FOXD4: variants seen among roughly 807,000 people sequenced by gnomAD.
FOXD4 encodes the protein forkhead box protein D4.
A neutral mutation model predicts 26.5 loss-of-function variants in FOXD4; 22 were observed. That is an observed-to-expected ratio of 0.83 (90% confidence interval 0.59 to 1.18). The LOEUF (loss-of-function observed/expected upper bound fraction) is 1.18. Among genes scored for constraint, FOXD4 ranks in the 50% most tolerant of loss-of-function variants. The pLI is 0.00. For synonymous variants in FOXD4, 258 were observed against 273.7 expected (o/e 0.94, Z 0.57); for missense variants, 625 against 605.8 (o/e 1.03, Z -0.33).
rs1237920338 is a variant in FOXD4 at position 118,387 on chromosome 9, C to T, written c.-268G>A. Among the ~76,000 whole-genome samples the T allele has an allele frequency of 1.3e-5, 2 of 149,926 alleles. No individual in the cohort carries two copies. The highest frequency in any genetic ancestry group is 3.0e-5 in the Non-Finnish European group (2 of 67,294). On this transcript the variant is annotated 5_prime_UTR_variant, in exon 1 of 1. Transcript: ENST00000382500. ...CCCTACCTCGGAGCGGTGCCACTTC[C>T]TCCTAACGTAGTCCAGGGATGATGG...
At position 116,723 on chromosome 9, in the gene FOXD4, T is replaced by C; in HGVS notation, c.*77A>G. The C allele has an allele frequency of 6.6e-7, 1 of 1,520,670 alleles. No homozygotes were observed. Among genetic ancestry groups the C allele is most frequent in the East Asian group, 2.3e-5 (1 of 44,206 alleles). The allele number at this position is 1,520,670 out of a possible 1,614,324, so 94.2% of individuals were successfully genotyped here. ...AGTTCGTGTTTGCTCTCCAGCGGGATTCAGATGCACACGCCCAGTATGGGC... is the reference window on the plus strand; with the variant it reads ...AGTTCGTGTTTGCTCTCCAGCGGGACTCAGATGCACACGCCCAGTATGGGC... On this transcript the variant is annotated 3_prime_UTR_variant, in exon 1 of 1. Transcript: ENST00000382500.
chr9:116,676 T>A lies in FOXD4; in HGVS notation c.*124A>T. The A allele has an allele frequency of 6.9e-7, 1 of 1,455,836 alleles. No homozygotes were observed. The highest frequency in any genetic ancestry group is 9.2e-7 in the Non-Finnish European group (1 of 1,082,138). 90.2% of individuals were successfully genotyped at this position (1,455,836 alleles called of 1,614,324 possible). ...GGAACGTAATCCAGCTGTTTCTTTCTAACCATTTTGCAGGGAACAGAAGTT... is the reference window on the plus strand; with the variant it reads ...GGAACGTAATCCAGCTGTTTCTTTCAAACCATTTTGCAGGGAACAGAAGTT... On this transcript the variant is annotated 3_prime_UTR_variant, in exon 1 of 1. Transcript: ENST00000382500.
At position 116,944 on chromosome 9, in the gene FOXD4, C is replaced by A. The variant is rs777938341; in HGVS notation, c.1176G>T (p.Ala392=). Residue 392 remains alanine (A), a synonymous_variant, in exon 1 of 1, where the codon GCG becomes GCT. Coordinates refer to ENST00000382500, the MANE Select transcript of FOXD4 (RefSeq NM_207305.5). Reference sequence around the variant, plus strand: ...CCGCCTGATACCGCAGCAGCGCCGACGCGGCCGACAGGTGCCCGCCCAGCA... The same window carrying A: ...CCGCCTGATACCGCAGCAGCGCCGAAGCGGCCGACAGGTGCCCGCCCAGCA... ...GAVLGGHLSA[A]SALLRYQAVA... 8 of 1,611,246 alleles carry A rather than the reference C, an allele frequency of 5.0e-6. No homozygotes were observed. The highest frequency in any genetic ancestry group is 4.4e-5 in the South Asian group (4 of 90,942).
In FOXD4 at chr9:116,667, G is replaced by C; in HGVS notation, c.*133C>G. 7.1e-7 allele frequency: 1 copy of C among 1,415,160 alleles called. No homozygotes were observed. Among genetic ancestry groups the C allele is most frequent in the East Asian group, 2.3e-5 (1 of 43,688 alleles). The allele number at this position is 1,415,160 out of a possible 1,614,324, so 87.7% of individuals were successfully genotyped here. A position where few individuals can be genotyped will look rare whatever the true frequency, so the allele number is the denominator to read the frequency against. On this transcript the variant is annotated 3_prime_UTR_variant, in exon 1 of 1. Transcript: ENST00000382500. ...GTTTTTAGAGGAACGTAATCCAGCT[G>C]TTTCTTTCTAACCATTTTGCAGGGA...
chr9:117,988 C>T lies in FOXD4; in HGVS notation c.132G>A (p.Gln44=). ...GCTGGAGCGACTGCTCTAGGAACTGCTGGCTCGCCGCCTCCTCCTCGTCTT... is the reference window on the plus strand; with the variant it reads ...GCTGGAGCGACTGCTCTAGGAACTGTTGGCTCGCCGCCTCCTCCTCGTCTT... The part of the protein sequence containing the change: ...EDEDEEEAAS[Q]QFLEQSLQPG... Residue 44 remains glutamine (Q), a synonymous_variant, in exon 1 of 1, where the codon CAG becomes CAA. Coordinates refer to ENST00000382500, the MANE Select transcript of FOXD4 (RefSeq NM_207305.5). The T allele has an allele frequency of 6.2e-7, 1 of 1,611,998 alleles. No homozygotes were observed. The highest frequency in any genetic ancestry group is 8.5e-7 in the Non-Finnish European group (1 of 1,179,836).
rs1819421184 is a variant in FOXD4, at chr9:118,034, A to G, written c.86T>C (p.Val29Ala). 1.2e-6 allele frequency: 2 copies of G among 1,611,946 alleles called. No individual in the cohort carries two copies. Among genetic ancestry groups the G allele is most frequent in the Non-Finnish European group, 1.7e-6 (2 of 1,179,826 alleles). The change falls in exon 1 of 1, where the codon GTC (valine) becomes GCC (alanine). Residue 29 changes from valine to alanine, a missense_variant. Val to Ala is a moderately conservative substitution (Grantham distance 64). Transcript: ENST00000382500. ...DSDGEDGKID[V>A]LGEEEDEDEE... ...GTCTTCATCTTCCTCCTCTCCCAGG[A>G]CATCGATTTTACCGTCTTCCCCATC...
In FOXD4 at chr9:116,815, G is replaced by T. The variant is rs189230491; in HGVS notation, c.1305C>A (p.Ser435=). ...CCACCTGGCTCTAGGAGGGCCCTGC[G>T]GACTCGGCCAGGGAACTGGGCGTGG... The part of the protein sequence containing the change: ...VSPTPSSLAE[S]AGPS The change falls in exon 1 of 1, where the codon TCC becomes TCA. Residue 435 remains serine (S), a synonymous_variant. Coordinates refer to ENST00000382500, the MANE Select transcript of FOXD4 (RefSeq NM_207305.5). The T allele has an allele frequency of 6.9e-6, 11 of 1,601,158 alleles. No homozygotes were observed. In the African/African-American group the frequency reaches 8.0e-5, roughly 12 times the overall value.
chr9:116,747 G>A lies in FOXD4; in HGVS notation c.*53C>T, dbSNP rs546026483. On this transcript the variant is annotated 3_prime_UTR_variant, in exon 1 of 1. Coordinates refer to ENST00000382500, the MANE Select transcript of FOXD4 (RefSeq NM_207305.5). ...ATTCAGATGCACACGCCCAGTATGG[G>A]CCGCGCAAGGTGGAGTGAGCAGCTG... The A allele has an allele frequency of 1.1e-4, 165 of 1,540,664 alleles. No homozygotes were observed. In the African/African-American group the frequency reaches 2.1e-3, roughly 19 times the overall value.
chr9:117,706 G>T lies in FOXD4; in HGVS notation c.414C>A (p.Phe138Leu). 2.5e-6 allele frequency: 4 copies of T among 1,612,914 alleles called. No individual in the cohort carries two copies. Among genetic ancestry groups the T allele is most frequent in the Admixed American group, 1.7e-5 (1 of 60,000 alleles). ...SGICAFISDR[F>L]PYYRRKFPAW... ...CGGGGAACTTGCGGCGGTAGTAGGGGAAGCGGTCACTAATGAAGGCGCAGA... is the reference window on the plus strand; with the variant it reads ...CGGGGAACTTGCGGCGGTAGTAGGGTAAGCGGTCACTAATGAAGGCGCAGA... The change falls in exon 1 of 1, where the codon TTC (phenylalanine) becomes TTA (leucine). Residue 138 changes from phenylalanine (F) to leucine (L), a missense_variant. Phe to Leu is a conservative substitution (Grantham distance 22, BLOSUM62 0). Around this residue, in one of 3 missense-constraint regions of FOXD4, gnomAD observed 399 missense variants for 329.4 expected, o/e 1.21. Coordinates refer to ENST00000382500, the MANE Select transcript of FOXD4 (RefSeq NM_207305.5).
At position 116,627 on chromosome 9, in the gene FOXD4, G is replaced by A. The variant is rs1192248825; in HGVS notation, c.*173C>T. The A allele has an allele frequency of 6.2e-6, 7 of 1,133,236 alleles. No individual in the cohort carries two copies. The highest frequency in any genetic ancestry group is 8.7e-6 in the Non-Finnish European group (7 of 800,266). The allele number at this position is 1,133,236 out of a possible 1,614,324, so 70.2% of individuals were successfully genotyped here. Reference sequence around the variant, plus strand: ...AAAAGATGACTTGACGCCCTGCGAAGGTTACGTTCAGGTGGTTTTTAGAGG... The same window carrying A: ...AAAAGATGACTTGACGCCCTGCGAAAGTTACGTTCAGGTGGTTTTTAGAGG... On this transcript the variant is annotated 3_prime_UTR_variant, in exon 1 of 1. Transcript: ENST00000382500.
At position 117,576 on chromosome 9, in the gene FOXD4, G is replaced by A. The variant is rs766677973; in HGVS notation, c.544C>T (p.Pro182Ser). The A allele has an allele frequency of 1.9e-5, 30 of 1,613,520 alleles. No individual in the cohort carries two copies. Among genetic ancestry groups the A allele is most frequent in the South Asian group, 4.4e-5 (4 of 91,054 alleles). ...TTGTCGAACATGTCCTGGGAGGCGG[G>A]GTCCAGGCTCCAGTAGTTGCCCTTG... ...PGKGNYWSLD[P>S]ASQDMFDNGS... is the part of the protein sequence containing the mutation. The change falls in exon 1 of 1, where the codon CCC (proline) becomes TCC (serine). Residue 182 changes from proline (P) to serine (S), a missense_variant. Transcript: ENST00000382500.
Position 117,612 on chromosome 9 carries a change from C to T in FOXD4, c.508G>A (p.Gly170Ser). Residue 170 changes from glycine (G) to serine (S), a missense_variant, in exon 1 of 1, where the codon GGC becomes AGC. This residue lies in a region of FOXD4 where 399 missense variants were observed against 329.4 expected (regional missense o/e 1.21). Coordinates refer to ENST00000382500, the MANE Select transcript of FOXD4 (RefSeq NM_207305.5). ...DCFVKIPREP[G>S]RPGKGNYWSL... ...CAGTAGTTGCCCTTGCCTGGGCGGC[C>T]CGGCTCGCGGGGGATCTTGACGAAG... 1.2e-6 allele frequency: 2 copies of T among 1,613,932 alleles called. No homozygotes were observed.
At position 117,429 on chromosome 9, in the gene FOXD4, G is replaced by T; in HGVS notation, c.691C>A (p.Pro231Thr). The change falls in exon 1 of 1, where the codon CCT (proline) becomes ACT (threonine). Residue 231 changes from proline (P) to threonine (T), a missense_variant. Around this residue, in one of 3 missense-constraint regions of FOXD4, gnomAD observed 399 missense variants for 329.4 expected, o/e 1.21. Transcript: ENST00000382500. ...GGCGGGGCAGGGGCCCCAAGCAGAG[G>T]GCCTGGGCGGGGGTTGTGCAGGGCG... ...HAALHNPRPGPLLGAPAPPQP... is the reference protein window; with the variant it reads ...HAALHNPRPGTLLGAPAPPQP... 6.3e-7 allele frequency: 1 copy of T among 1,596,568 alleles called. No individual in the cohort carries two copies. Among genetic ancestry groups the T allele is most frequent in the South Asian group, 1.1e-5 (1 of 90,866 alleles).
chr9:117,268 C>T lies in FOXD4; in HGVS notation c.852G>A (p.Ala284=), dbSNP rs144487093. 70,045 of 1,606,792 alleles carry T rather than the reference C, an allele frequency of 0.044. 1,075 individuals are homozygous for T. Among genetic ancestry groups the T allele is most frequent in the Middle Eastern group, 0.076 (336 of 4,430 alleles). The change falls in exon 1 of 1, where the codon GCG becomes GCA. Residue 284 remains alanine (A), a synonymous_variant. Coordinates refer to ENST00000382500, the MANE Select transcript of FOXD4 (RefSeq NM_207305.5). ...YAGAPKKAEG[A]DLATPAPFPC... is the part of the protein sequence containing the mutation. ...GGAAGGGTGCCGGGGTCGCCAGGTC[C>T]GCGCCTTCTGCTTTCTTCGGTGCCC...
rs1346514096 is a variant in FOXD4, at chr9:117,584, C to T, written c.536G>A (p.Ser179Asn). ...CATGTCCTGGGAGGCGGGGTCCAGG[C>T]TCCAGTAGTTGCCCTTGCCTGGGCG... ...PGRPGKGNYW[S>N]LDPASQDMFD... The change falls in exon 1 of 1, where the codon AGC (serine) becomes AAC (asparagine). Residue 179 changes from serine (S) to asparagine (N), a missense_variant. This residue lies in a region of FOXD4 where 399 missense variants were observed against 329.4 expected (regional missense o/e 1.21). Coordinates refer to ENST00000382500, the MANE Select transcript of FOXD4 (RefSeq NM_207305.5). 3.1e-6 allele frequency: 5 copies of T among 1,613,652 alleles called. 1 individual carries two copies. Among genetic ancestry groups the T allele is most frequent in the Non-Finnish European group, 4.2e-6 (5 of 1,180,054 alleles).
rs758839256 is a variant in FOXD4, at chr9:117,170, T to G, written c.950A>C (p.Asp317Ala). The G allele has an allele frequency of 2.1e-5, 34 of 1,611,242 alleles. No individual in the cohort carries two copies. The highest frequency in any genetic ancestry group is 2.8e-5 in the Non-Finnish European group (33 of 1,179,824). ...TACTCTCAATGCTGAAAGAGATGCA[T>G]CCGCCTCCCGGTGGCGACGCCAGAC... ...ARVWRRHREADASLSALRVSC... is the reference protein window; with the variant it reads ...ARVWRRHREAAASLSALRVSC... Residue 317 changes from aspartate (D) to alanine (A), a missense_variant, in exon 1 of 1, where the codon GAT (aspartate) becomes GCT (alanine). Asp to Ala is a moderately radical substitution (Grantham distance 126). This residue lies in a region of FOXD4 where 92 missense variants were observed against 144.2 expected (regional missense o/e 0.64). Transcript: ENST00000382500.
In FOXD4 at chr9:116,811, C is replaced by A. The variant is rs370289268; in HGVS notation, c.1309G>T (p.Gly437Trp). ...PTPSSLAESAGPS is the reference protein window; with the variant it reads ...PTPSSLAESAWPS Reference sequence around the variant, plus strand: ...ACTCCCACCTGGCTCTAGGAGGGCCCTGCGGACTCGGCCAGGGAACTGGGC... The same window carrying A: ...ACTCCCACCTGGCTCTAGGAGGGCCATGCGGACTCGGCCAGGGAACTGGGC... Residue 437 changes from glycine to tryptophan, a missense_variant, in exon 1 of 1, where the codon GGG (glycine) becomes TGG (tryptophan). Gly to Trp is a radical substitution (Grantham distance 184). Transcript: ENST00000382500. 7.7e-5 allele frequency: 123 copies of A among 1,599,888 alleles called. No homozygotes were observed. In the African/African-American group the frequency reaches 1.3e-3, roughly 16 times the overall value.
Position 117,896 on chromosome 9 carries a change from C to G in FOXD4, c.224G>C (p.Gly75Ala). 1.2e-6 allele frequency: 2 copies of G among 1,611,736 alleles called. No homozygotes were observed. Among genetic ancestry groups the G allele is most frequent in the Non-Finnish European group, 8.5e-7 (1 of 1,179,676 alleles). ...LPREHIEGGGGPSDPSEFGTE... is the reference protein window; with the variant it reads ...LPREHIEGGGAPSDPSEFGTE... ...GCCAAACTCTGAGGGGTCGCTCGGG[C>G]CGCCGCCGCCCTCGATGTGCTCTCG... The change falls in exon 1 of 1, where the codon GGC (glycine) becomes GCC (alanine). Residue 75 changes from glycine to alanine, a missense_variant. Around this residue, in one of 3 missense-constraint regions of FOXD4, gnomAD observed 399 missense variants for 329.4 expected, o/e 1.21. Coordinates refer to ENST00000382500, the MANE Select transcript of FOXD4 (RefSeq NM_207305.5).
rs570533249 is a variant in FOXD4, at chr9:116,323, C to T, written c.*477G>A. 1.6e-5 allele frequency: 3 copies of T among 188,968 alleles called. No homozygotes were observed. The highest frequency in any genetic ancestry group is 4.8e-5 in the African/African-American group (2 of 42,012). The allele number at this position is 188,968 out of a possible 1,614,324, so 11.7% of individuals were successfully genotyped here. A position where few individuals can be genotyped will look rare whatever the true frequency, so the allele number is the denominator to read the frequency against. ...CATTAAAGATGGCACGTCAGACACA[C>T]AGATAAGAAATCAATGTTCTGAAAT... is the stretch of plus-strand genomic sequence containing the variant. On this transcript the variant is annotated 3_prime_UTR_variant, in exon 1 of 1. Coordinates refer to ENST00000382500, the MANE Select transcript of FOXD4 (RefSeq NM_207305.5).
Sources: allele counts gnomAD v4.1 joint callset (sites outside exome capture counted in the v4.1 genomes callset), GRCh38; gene constraint gnomAD v4.1.1; regional missense constraint gnomAD v4.1.1; transcripts MANE v1.5; gene names NCBI Gene and HGNC (gene_info 2026-07-23, HGNC 2026-07-21).